The following SDK2 variants were observed in gnomAD, a reference collection of about 807,000 sequenced individuals.
SDK2 encodes sidekick cell adhesion molecule 2.
SDK2 carries 105 observed loss-of-function variants against 253.9 expected under a neutral mutation model. The observed-to-expected ratio is 0.41, with a 90% confidence interval of 0.35 to 0.49. The LOEUF (loss-of-function observed/expected upper bound fraction) is 0.49, where lower values mean the gene tolerates loss of function less well. Ranked by LOEUF, SDK2 falls within the 20% of genes least tolerant of loss-of-function variation. The probability of loss-of-function intolerance (pLI) is 0.06; values close to 1 mark genes in which losing one functional copy is unlikely to be tolerated. For missense variants in SDK2, 2,608 were observed against 3,003.0 expected, an observed-to-expected ratio of 0.87 and a Z score of 3.07; for synonymous variants, 1,249 against 1,234.9, an observed-to-expected ratio of 1.01 and a Z score of -0.24.
Position 73,338,522 on chromosome 17 carries a change from A to C in SDK2, c.*65T>G. ...TTGGTGTTTTTGTTTTCTGGCAGGCAGTGAGAGGAGGGGTGAAGGAGGAGT... is the reference window on the plus strand; with the variant it reads ...TTGGTGTTTTTGTTTTCTGGCAGGCCGTGAGAGGAGGGGTGAAGGAGGAGT... On this transcript the variant is annotated 3_prime_UTR_variant, in exon 45 of 45. Transcript: ENST00000392650. This position sits in a 1 kb window ranked among gnomAD's most constrained non-coding sequence, Gnocchi z 5.0. 1.1e-6 allele frequency: 1 copy of C among 949,602 alleles called. No homozygotes were observed. Among genetic ancestry groups the C allele is most frequent in the Non-Finnish European group, 1.6e-6 (1 of 629,180 alleles). 58.8% of individuals were successfully genotyped at this position (949,602 alleles called of 1,614,324 possible). A position where few individuals can be genotyped will look rare whatever the true frequency, so the allele number is the denominator to read the frequency against.
intron 1 of SDK2, among the ~76,000 whole-genome samples, chr17:73,538,470 C>T (rs528050631): frequency 5.9e-5 from 9 of 152,320 alleles, no homozygotes; most frequent in Middle Eastern, 3.4e-3. Context: ...GAGCCCTAAC[C>T]CAGCCAGGAC....
At chr17:73,497,064 C>T (rs1270388506) in intron 2 of SDK2, among the ~76,000 whole-genome samples, 1 of 152,070 alleles carries the variant, frequency 6.6e-6, no homozygotes, top group African/African-American at 2.4e-5. Flanking sequence ...ACCTGGCTAA[C>T]TTTTGTATTT....
chr17:73,441,115 G>A (rs919293353), intron 5 of SDK2, among the ~76,000 whole-genome samples, 192 bp from the exon 6 acceptor site: 1 of 152,108 alleles, frequency 6.6e-6, no homozygotes, highest in Non-Finnish European at 1.5e-5. Flanking sequence ...CTCTGTTGAT[G>A]AGTCACCACA....
Position 73,571,209 on chromosome 17 carries a change from C to G in SDK2, c.65-63612G>C, listed in dbSNP as rs563382063. 1.1e-4 allele frequency among the ~76,000 whole-genome samples: 16 copies of G among 152,212 alleles called. No homozygotes were observed. The South Asian group carries it at 3.3e-3, about 32-fold the overall frequency. On this transcript the variant is annotated intron_variant, in intron 1 of 44. Coordinates refer to ENST00000392650, the MANE Select transcript of SDK2 (RefSeq NM_001144952.2). Reference sequence around the variant, plus strand: ...TCAGCTTCCCGAGTAACTGGGATTACAGGCGTGAGCCACCATGCCCAGCTC... The same window carrying G: ...TCAGCTTCCCGAGTAACTGGGATTAGAGGCGTGAGCCACCATGCCCAGCTC...
At position 73,379,213 on chromosome 17, in the gene SDK2, C is replaced by T. The variant is rs546934610; in HGVS notation, c.4944G>A (p.Pro1648=). Residue 1648 remains proline (P), a synonymous_variant, in exon 36 of 45, where the codon CCG becomes CCA. Transcript: ENST00000392650. The surrounding 1 kb of genome is among the most constrained non-coding windows in gnomAD (Gnocchi z 4.5). ...GGATGTCTCCATTCTGGCTGTCCAG[C>T]GGAGGTGGCTCCCAAGTCACGTCCA... The part of the protein sequence containing the change: ...TQLDVTWEPP[P]LDSQNGDIQG... The T allele has an allele frequency of 4.0e-5, 63 of 1,559,032 alleles. No homozygotes were observed. Among genetic ancestry groups the T allele is most frequent in the Non-Finnish European group, 4.4e-5 (51 of 1,150,978 alleles).
rs16977698 is a variant in SDK2, at chr17:73,595,346, C to T, written c.64+48679G>A. Reference sequence around the variant, plus strand: ...GTAATGAATGCCGTTTGTGGTGAGACTCTCTTGCCCTATGGCTCCAGATTG... The same window carrying T: ...GTAATGAATGCCGTTTGTGGTGAGATTCTCTTGCCCTATGGCTCCAGATTG... On this transcript the variant is annotated intron_variant, in intron 1 of 44. Coordinates refer to ENST00000392650, the MANE Select transcript of SDK2 (RefSeq NM_001144952.2). 5.4e-3 allele frequency among the ~76,000 whole-genome samples: 826 copies of T among 152,182 alleles called. 6 individuals are homozygous for T. The highest frequency in any genetic ancestry group is 0.031 in the Middle Eastern group (9 of 294).
rs778089846 is a variant in SDK2, at chr17:73,368,522, G to C, written c.5052C>G (p.Ser1684Arg). 48 of 1,609,936 alleles carry C rather than the reference G, an allele frequency of 3.0e-5. No homozygotes were observed. In the Admixed American group the frequency reaches 7.9e-4, roughly 26 times the overall value. Reference protein sequence around the residue: ...RVKTLFLAENSVKLKNLTGYT... With the variant: ...RVKTLFLAENRVKLKNLTGYT... Reference sequence around the variant, plus strand: ...AGCCAGTCAAGTTCTTGAGCTTCACGCTGTTCTCAGCCAGGAAAAGCGTCT... The same window carrying C: ...AGCCAGTCAAGTTCTTGAGCTTCACCCTGTTCTCAGCCAGGAAAAGCGTCT... The change falls in exon 37 of 45, where the codon AGC becomes AGG. Residue 1684 changes from serine (S) to arginine (R), a missense_variant. This residue lies in a region of SDK2 where 1,103 missense variants were observed against 1,143.9 expected (regional missense o/e 0.96). Transcript: ENST00000392650.
intron 3 of SDK2, among the ~76,000 whole-genome samples, chr17:73,459,731 G>A (rs905482383): frequency 4.0e-5 from 6 of 151,088 alleles, no homozygotes; most frequent in African/African-American, 1.2e-4. Flanking sequence ...ACACAGTCTC[G>A]CTATGTTGCC....
chr17:73,408,859 C>T (rs2063103146), intron 18 of SDK2, among the ~76,000 whole-genome samples: 1 of 152,180 alleles, frequency 6.6e-6, no homozygotes, highest in Non-Finnish European at 1.5e-5. Flanking sequence ...GATTATGCGG[C>T]AATCAAGAGA....
At chr17:73,613,712 A>T (rs2046010157) in intron 1 of SDK2, among the ~76,000 whole-genome samples, 1 of 143,692 alleles carries the variant, frequency 7.0e-6, no homozygotes, top group Admixed American at 7.2e-5. Flanking sequence ...CGCCCCTCCC[A>T]GCTGCCCCAC....
intron 1 of SDK2, among the ~76,000 whole-genome samples, chr17:73,620,756 G>T (rs2046123096): frequency 6.6e-6 from 1 of 152,214 alleles, no homozygotes; most frequent in South Asian, 2.1e-4. Context: ...AAAGAAGCCA[G>T]ATACAAAAGG....
chr17:73,497,654 C>T (rs561193141), intron 2 of SDK2, among the ~76,000 whole-genome samples: 19 of 150,698 alleles, frequency 1.3e-4, no homozygotes, highest in African/African-American at 3.4e-4. Flanking sequence ...CAGACCCATC[C>T]GCTCCCACCA....
In SDK2 at chr17:73,570,801, C is replaced by T. The variant is rs2045374581; in HGVS notation, c.65-63204G>A. 6.6e-6 allele frequency among the ~76,000 whole-genome samples: 1 copy of T among 152,186 alleles called. No homozygotes were observed. The stretch of plus-strand genomic sequence containing the variant: ...TCTACCCATTCCTGTGTTCTTCCTG[C>T]CCCTCACTGGACTGAACTGAGTTTA... On this transcript the variant is annotated intron_variant, in intron 1 of 44. Coordinates refer to ENST00000392650, the MANE Select transcript of SDK2 (RefSeq NM_001144952.2). The surrounding 1 kb of genome is among the most constrained non-coding windows in gnomAD (Gnocchi z 4.2).
chr17:73,611,117 G>A (rs144557760), intron 1 of SDK2, among the ~76,000 whole-genome samples: 16 of 152,350 alleles, frequency 1.1e-4, no homozygotes, highest in East Asian at 3.9e-4. Context: ...CAGGGGCTCC[G>A]AGGGGTTGTG....
rs190288858 is a variant in SDK2 at position 73,365,131 on chromosome 17, C to T, written c.5305+127G>A. ...TTTCCCTTGTCTGGGACTCAGTTTC[C>T]GTGTTTATAAGATGGGGAGACTCTC... On this transcript the variant is annotated intron_variant, in intron 38 of 44. Transcript: ENST00000392650. 4,126 of 635,940 alleles carry T rather than the reference C, an allele frequency of 6.5e-3. 18 individuals are homozygous for T. Among genetic ancestry groups the T allele is most frequent in the Non-Finnish European group, 7.0e-3 (2,925 of 416,236 alleles). The allele number at this position is 635,940 out of a possible 1,614,324, so 39.4% of individuals were successfully genotyped here. A position where few individuals can be genotyped will look rare whatever the true frequency, so the allele number is the denominator to read the frequency against.
In SDK2 at chr17:73,609,366, A is replaced by G. The variant is rs1244886056; in HGVS notation, c.64+34659T>C. Among the ~76,000 whole-genome samples, 1 of 152,156 alleles carries G rather than the reference A, an allele frequency of 6.6e-6. No individual in the cohort carries two copies. The highest frequency in any genetic ancestry group is 6.5e-5 in the Admixed American group (1 of 15,282). On this transcript the variant is annotated intron_variant, in intron 1 of 44. Coordinates refer to ENST00000392650, the MANE Select transcript of SDK2 (RefSeq NM_001144952.2). The surrounding 1 kb of genome is among the most constrained non-coding windows in gnomAD (Gnocchi z 4.4). Reference sequence around the variant, plus strand: ...CATCAGAGGCTGGACCAGGAGGAGGAGCCAGCAAGAAAGGCACCAAACTGA... The same window carrying G: ...CATCAGAGGCTGGACCAGGAGGAGGGGCCAGCAAGAAAGGCACCAAACTGA...
At chr17:73,581,022 C>A (rs1360932644) in intron 1 of SDK2, among the ~76,000 whole-genome samples, 1 of 151,818 alleles carries the variant, frequency 6.6e-6, no homozygotes, top group Non-Finnish European at 1.5e-5. Context: ...TCACTGGGAC[C>A]ACATGCCCAG....
At chr17:73,626,550 C>G (rs2143227985) in intron 1 of SDK2, among the ~76,000 whole-genome samples, 1 of 152,328 alleles carries the variant, frequency 6.6e-6, no homozygotes, top group South Asian at 2.1e-4. Context: ...AGACAAGAGG[C>G]CTCCCTCCAG....
chr17:73,398,334 G>A lies in SDK2; in HGVS notation c.3189C>T (p.Pro1063=), dbSNP rs776014376. The A allele has an allele frequency of 7.0e-5, 113 of 1,613,852 alleles. No homozygotes were observed. The South Asian group carries it at 1.0e-3, about 14-fold the overall frequency. ...ARSMEVPDLN[P]FTCYSFRMRQ... The stretch of plus-strand genomic sequence containing the variant: ...AGTCTCATTACCTGTAGCAGGTGAA[G>A]GGGTTGAGGTCGGGCACCTCCATGG... Residue 1063 remains proline, a synonymous_variant, in exon 23 of 45, where the codon CCC becomes CCT. Coordinates refer to ENST00000392650, the MANE Select transcript of SDK2 (RefSeq NM_001144952.2).
Sources: allele counts gnomAD v4.1 joint callset (sites outside exome capture counted in the v4.1 genomes callset), GRCh38; gene constraint gnomAD v4.1.1; regional missense constraint gnomAD v4.1.1; non-coding constraint Gnocchi (gnomAD v3.1); transcripts MANE v1.5; gene names NCBI Gene and HGNC (gene_info 2026-07-23, HGNC 2026-07-21).